Variants in CCSER1 observed in about 807,000 individuals in gnomAD.
CCSER1 encodes serine-rich coiled-coil domain-containing protein 1.
A neutral mutation model predicts 82.0 loss-of-function variants in CCSER1; 41 were observed. That is an observed-to-expected ratio of 0.50 (90% CI 0.39 to 0.65). CCSER1 has a LOEUF of 0.65. CCSER1 is among the 30% of genes least tolerant of loss of function. The pLI is 0.00. For missense variants in CCSER1, 1,119 were observed against 1,064.2 expected, an observed-to-expected ratio of 1.05 and a Z score of -0.72; for synonymous variants, 414 against 383.9, an observed-to-expected ratio of 1.08 and a Z score of -0.92.
At chr4:91,513,855 A>C (rs2110122102) in intron 10 of CCSER1, among the ~76,000 whole-genome samples, 1 of 151,286 alleles carries the variant, frequency 6.6e-6, no homozygotes, top group African/African-American at 2.4e-5. Flanking sequence ...TCTCCCTTTT[A>C]CTTCAAGTAG....
chr4:91,293,298 T>A (rs1430660549), intron 10 of CCSER1, among the ~76,000 whole-genome samples: 1 of 151,962 alleles, frequency 6.6e-6, no homozygotes, highest in Non-Finnish European at 1.5e-5. Context: ...GTCTGTCGTT[T>A]GGGTATTTAT....
chr4:91,106,839 A>G (rs948562932), intron 10 of CCSER1, among the ~76,000 whole-genome samples: 1 of 152,196 alleles, frequency 6.6e-6, no homozygotes, highest in Admixed American at 6.5e-5. Flanking sequence ...TACTCTATAG[A>G]TGAATTATAA....
At chr4:90,623,783 G>A (rs1722786607) in intron 5 of CCSER1, among the ~76,000 whole-genome samples, 1 of 152,098 alleles carries the variant, frequency 6.6e-6, no homozygotes, top group Admixed American at 6.5e-5. Context: ...CAATATATTT[G>A]GAAAGGAAAA....
rs562127588 is a variant in CCSER1 at position 90,496,217 on chromosome 4, G to T, written c.1724+27863G>T. Reference sequence around the variant, plus strand: ...AATGGCCTCAGTTTCTATGGTGACAGTTACAGAACTATTCAGGGATAGCAT... The same window carrying T: ...AATGGCCTCAGTTTCTATGGTGACATTTACAGAACTATTCAGGGATAGCAT... On this transcript the variant is annotated intron_variant, in intron 5 of 10. Transcript: ENST00000509176. Among the ~76,000 whole-genome samples the T allele has an allele frequency of 1.2e-4, 19 of 152,318 alleles. 1 individual carries two copies. The highest frequency in any genetic ancestry group is 4.1e-4 in the African/African-American group (17 of 41,588).
At chr4:91,396,008 C>T (rs1218894875) in intron 10 of CCSER1, among the ~76,000 whole-genome samples, 3 of 152,070 alleles carry the variant, frequency 2.0e-5, no homozygotes, top group Non-Finnish European at 4.4e-5. Flanking sequence ...GCCCCTGCTT[C>T]TTCGTGCTCC....
chr4:90,520,164 A>G (rs1772892887), intron 5 of CCSER1, among the ~76,000 whole-genome samples: 1 of 151,774 alleles, frequency 6.6e-6, no homozygotes, highest in South Asian at 2.1e-4. Context: ...AATAAATGGC[A>G]GCTTTTATTT....
At chr4:91,216,420 C>A (rs112820966) in intron 10 of CCSER1, among the ~76,000 whole-genome samples, 1 of 152,110 alleles carries the variant, frequency 6.6e-6, no homozygotes, top group South Asian at 2.1e-4. Flanking sequence ...CCTGGGTTCA[C>A]GCCATTCTCC....
intron 10 of CCSER1, among the ~76,000 whole-genome samples, chr4:91,455,282 G>A (rs1274543075): frequency 2.6e-5 from 4 of 152,008 alleles, no homozygotes; most frequent in East Asian, 3.9e-4. Flanking sequence ...AGTCATTTAT[G>A]TTTCTCCTTG....
intron 5 of CCSER1, among the ~76,000 whole-genome samples, chr4:90,514,384 T>C (rs1771957668): frequency 6.6e-6 from 1 of 152,236 alleles, no homozygotes; most frequent in Non-Finnish European, 1.5e-5. Context: ...AATTATAGAC[T>C]ATAGATGTAA....
chr4:91,569,059 G>A (rs1375145041), intron 10 of CCSER1, among the ~76,000 whole-genome samples: 1 of 152,104 alleles, frequency 6.6e-6, no homozygotes, highest in Non-Finnish European at 1.5e-5. Context: ...TTTATGTAGG[G>A]CCTTTATTTG....
intron 8 of CCSER1, among the ~76,000 whole-genome samples, chr4:90,900,228 C>T (rs915691148): frequency 6.6e-6 from 1 of 150,812 alleles, no homozygotes; most frequent in East Asian, 2.0e-4. Flanking sequence ...TATCCATTAC[C>T]TTTGGGTTTT....
chr4:90,697,701 T>C (rs1579989386), intron 6 of CCSER1, among the ~76,000 whole-genome samples: 1 of 152,222 alleles, frequency 6.6e-6, no homozygotes, highest in Non-Finnish European at 1.5e-5. Context: ...TATTGGCAAA[T>C]AGTGACCTGA....
chr4:90,584,822 C>A (rs1446003068), intron 5 of CCSER1, among the ~76,000 whole-genome samples: 3 of 151,922 alleles, frequency 2.0e-5, no homozygotes, highest in African/African-American at 4.8e-5. Context: ...AACTCTCAAG[C>A]AGATTATAAA....
At chr4:91,496,671 CAA>C (rs1491171312) in intron 10 of CCSER1, among the ~76,000 whole-genome samples, 554 of 16,082 alleles carry the variant, frequency 0.034, 147 homozygotes, top group Middle Eastern at 0.29. Flanking sequence ...TATATATATT[CAA>C]TATATTTGAA....
intron 10 of CCSER1, among the ~76,000 whole-genome samples, chr4:91,578,374 A>G (rs1037188492): frequency 6.6e-6 from 1 of 152,018 alleles, no homozygotes; most frequent in African/African-American, 2.4e-5. Flanking sequence ...TTTATTATAT[A>G]TAAGAATACT....
At chr4:91,468,355 G>T (rs554043800) in intron 10 of CCSER1, among the ~76,000 whole-genome samples, 47 of 152,224 alleles carry the variant, frequency 3.1e-4, no homozygotes, top group Non-Finnish European at 6.2e-4. Flanking sequence ...GCCTGTCATG[G>T]TGTGCAGGGA....
chr4:90,446,452 G>A (rs373753093), intron 4 of CCSER1, among the ~76,000 whole-genome samples: 35 of 152,186 alleles, frequency 2.3e-4, no homozygotes, highest in East Asian at 1.5e-3. Context: ...TCTTGATATA[G>A]CTAACATTGT....
intron 7 of CCSER1, among the ~76,000 whole-genome samples, chr4:90,772,622 A>T (rs10025445): frequency 0.17 from 26,160 of 152,128 alleles, 2,427 homozygotes; most frequent in Middle Eastern, 0.26. Context: ...GTTAATGTAG[A>T]ATTCAAACAT....
intron 9 of CCSER1, among the ~76,000 whole-genome samples, chr4:90,956,699 A>G (rs1031604573): frequency 2.6e-5 from 4 of 152,004 alleles, no homozygotes; most frequent in African/African-American, 9.7e-5. Flanking sequence ...TTACTGGTTT[A>G]TACAAGGATT....
Sources: gnomAD v4.1 joint callset for allele counts (sites outside exome capture counted in the v4.1 genomes callset) on GRCh38, gnomAD v4.1.1 for gene constraint, MANE v1.5 for transcripts, NCBI Gene and HGNC (gene_info 2026-07-23, HGNC 2026-07-21) for gene names.